The following SLFN11 variants were observed in gnomAD, a reference collection of about 807,000 sequenced individuals.
The protein encoded by SLFN11 is schlafen family member 11.
A neutral mutation model predicts 53.4 loss-of-function variants in SLFN11; 43 were observed. The observed-to-expected ratio is 0.80, with a 90% CI of 0.63 to 1.04. SLFN11 has a LOEUF of 1.04. SLFN11 is among the 50% of genes least tolerant of loss of function. The pLI is 0.00. For missense variants in SLFN11, 990 were observed against 1,079.1 expected (o/e 0.92, Z 1.16); for synonymous variants, 389 against 394.7 (o/e 0.99, Z 0.17).
intron 1 of SLFN11, among the ~76,000 whole-genome samples, chr17:35,372,176 C>A (rs1043392028): frequency 6.6e-6 from 1 of 152,002 alleles, no homozygotes; most frequent in East Asian, 1.9e-4. Flanking sequence ...TGCAACAACA[C>A]GAATGGAACT....
Position 35,363,039 on chromosome 17 carries a change from C to G in SLFN11, c.769G>C (p.Val257Leu). 1 of 1,614,030 alleles carries G rather than the reference C, an allele frequency of 6.2e-7. No homozygotes were observed. Among genetic ancestry groups the G allele is most frequent in the Admixed American group, 1.7e-5 (1 of 60,010 alleles). ...ACATTTTCTTTTGCACATCCCAGGA[C>G]TTCCCTACTCTTATCATCCACTCCA... ...FIGVDDKSRE[V>L]LGCAKENVDP... The change falls in exon 4 of 7, where the codon GTC becomes CTC. Residue 257 changes from valine to leucine, a missense_variant. By Grantham distance (32) the Val-to-Leu change is conservative. Coordinates refer to ENST00000685675, the MANE Select transcript of SLFN11 (RefSeq NM_001376007.1).
chr17:35,356,914 C>G (rs62079543), intron 5 of SLFN11, among the ~76,000 whole-genome samples: 3,669 of 151,416 alleles, frequency 0.024, 64 homozygotes, highest in South Asian at 0.052. Flanking sequence ...GGAGTTGTAC[C>G]AATATGGACT....
intron 5 of SLFN11, among the ~76,000 whole-genome samples, chr17:35,357,903 ATATAT>A (rs1224220639): frequency 6.8e-6 from 1 of 146,258 alleles, no homozygotes; most frequent in Non-Finnish European, 1.5e-5. Flanking sequence ...TTATATAATT[ATATAT>A]TATATTTATA....
intron 5 of SLFN11, among the ~76,000 whole-genome samples, chr17:35,354,856 G>A (rs993643412): frequency 6.6e-6 from 1 of 152,020 alleles, no homozygotes; most frequent in Non-Finnish European, 1.5e-5. Context: ...ATTTGTAGTG[G>A]TAATTTCAAA....
chr17:35,373,264 A>G (rs1018289963), intron 1 of SLFN11, among the ~76,000 whole-genome samples: 6 of 17,934 alleles, frequency 3.3e-4, no homozygotes, highest in African/African-American at 1.4e-3. Context: ...TTCTACCCCC[A>G]TTACCCACCC....
Position 35,351,710 on chromosome 17 carries a change from T to A in SLFN11, c.*646A>T, listed in dbSNP as rs745482237. ...TTAAAGTGACCATTAATATTCACTA[T>A]CACAATTAAGGCTTGGTCTGGGCCA... On this transcript the variant is annotated 3_prime_UTR_variant, in exon 7 of 7. Transcript: ENST00000685675. 6.6e-6 allele frequency: 1 copy of A among 152,256 alleles called. No individual in the cohort carries two copies. The highest frequency in any genetic ancestry group is 2.4e-5 in the African/African-American group (1 of 41,440). 9.4% of individuals were successfully genotyped at this position (152,256 alleles called of 1,614,324 possible). A position where few individuals can be genotyped will look rare whatever the true frequency, so the allele number is the denominator to read the frequency against.
rs549786555 is a variant in SLFN11, at chr17:35,356,757, T to A, written c.1199-2698A>T. Among the ~76,000 whole-genome samples, 5 of 151,360 alleles carry A rather than the reference T, an allele frequency of 3.3e-5. No homozygotes were observed. The East Asian group carries it at 9.7e-4, about 29-fold the overall frequency. On this transcript the variant is annotated intron_variant, in intron 5 of 6. Coordinates refer to ENST00000685675, the MANE Select transcript of SLFN11 (RefSeq NM_001376007.1). ...GCTATTATGTTAATACTACAGTGAG[T>A]AACCTTGTATGTTTGGTGTGTATGT...
In SLFN11 at chr17:35,360,281, A is replaced by G; in HGVS notation, c.1160T>C (p.Leu387Pro). The G allele has an allele frequency of 6.2e-7, 1 of 1,611,494 alleles. No individual in the cohort carries two copies. The highest frequency in any genetic ancestry group is 1.3e-5 in the African/African-American group (1 of 74,566). ...LSRPVYSKKG[L>P]EHKKELQQLL... Reference sequence around the variant, plus strand: ...TTGCTGGAGTTCCTTTTTATGTTCCAGGCCTTTCTTGGAGTACACTGGTCT... The same window carrying G: ...TTGCTGGAGTTCCTTTTTATGTTCCGGGCCTTTCTTGGAGTACACTGGTCT... The change falls in exon 5 of 7, where the codon CTG becomes CCG. Residue 387 changes from leucine to proline, a missense_variant. Transcript: ENST00000685675.
chr17:35,360,116 C>T, intron 5 of SLFN11, 127 bp downstream of exon 5: 4 of 959,998 alleles, frequency 4.2e-6, no homozygotes, highest in Non-Finnish European at 6.3e-6. Flanking sequence ...AGGATTGTAA[C>T]ATCATCACGT....
In SLFN11 at chr17:35,351,840, T is replaced by G. The variant is rs1358354741; in HGVS notation, c.*516A>C. ...TAATCTGACAGTGACTGAATTATCT[T>G]CGGACTCTCCCAAGCCCTAAATGAA... On this transcript the variant is annotated 3_prime_UTR_variant, in exon 7 of 7. Transcript: ENST00000685675. 1 of 154,898 alleles carries G rather than the reference T, an allele frequency of 6.5e-6. No individual in the cohort carries two copies. The highest frequency in any genetic ancestry group is 1.4e-5 in the Non-Finnish European group (1 of 69,904). 9.6% of individuals were successfully genotyped at this position (154,898 alleles called of 1,614,324 possible). A position where few individuals can be genotyped will look rare whatever the true frequency, so the allele number is the denominator to read the frequency against.
At chr17:35,371,109 C>T (rs1422076898) in intron 1 of SLFN11, among the ~76,000 whole-genome samples, 2 of 152,042 alleles carry the variant, frequency 1.3e-5, no homozygotes. Flanking sequence ...ATGATACTGA[C>T]ATTAAAAACA....
At chr17:35,361,732 G>A (rs1328591485) in intron 4 of SLFN11, among the ~76,000 whole-genome samples, 6 of 151,176 alleles carry the variant, frequency 4.0e-5, no homozygotes, top group Non-Finnish European at 8.9e-5. Context: ...TAAGGTGATA[G>A]CAAACTTCAA....
rs1268327298 is a variant in SLFN11, at chr17:35,363,291, C to T, written c.517G>A (p.Val173Ile). 1.2e-6 allele frequency: 2 copies of T among 1,614,054 alleles called. No homozygotes were observed. Among genetic ancestry groups the T allele is most frequent in the South Asian group, 1.1e-5 (1 of 91,086 alleles). ...TCCGAGTTAGGGAGCTCTTGGTATA[C>T]ACCCTTGTGAATTTTGTGAAAAGGT... ...EGPFHKIHKGVYQELPNSDPA... is the reference protein window; with the variant it reads ...EGPFHKIHKGIYQELPNSDPA... Residue 173 changes from valine to isoleucine, a missense_variant, in exon 4 of 7, where the codon GTA becomes ATA. Physicochemically the swap from Val to Ile is conservative, Grantham distance 29 (BLOSUM62 3). Around this residue, in one of 3 missense-constraint regions of SLFN11, gnomAD observed 521 missense variants for 516.2 expected, o/e 1.01. Coordinates refer to ENST00000685675, the MANE Select transcript of SLFN11 (RefSeq NM_001376007.1).
chr17:35,359,867 T>C (rs940296192), intron 5 of SLFN11, among the ~76,000 whole-genome samples: 44 of 152,078 alleles, frequency 2.9e-4, no homozygotes, highest in African/African-American at 8.2e-4. Context: ...ATGAGGGTAG[T>C]TTGAGAAAAG....
intron 4 of SLFN11, 45 bp from the exon 5 acceptor site, chr17:35,360,416 A>C: frequency 1.3e-6 from 2 of 1,538,490 alleles, no homozygotes; most frequent in Middle Eastern, 1.7e-4. Flanking sequence ...TAATCTCTTC[A>C]TACTGAAAGA....
chr17:35,360,998 T>C (rs1186832077), intron 4 of SLFN11, among the ~76,000 whole-genome samples: 1 of 152,144 alleles, frequency 6.6e-6, no homozygotes, highest in East Asian at 1.9e-4. Flanking sequence ...AGAAATTGTG[T>C]GAAATCAAAG....
At position 35,362,729 on chromosome 17, in the gene SLFN11, T is replaced by A; in HGVS notation, c.1069+10A>T. 12 of 1,527,882 alleles carry A rather than the reference T, an allele frequency of 7.9e-6. No individual in the cohort carries two copies. The highest frequency in any genetic ancestry group is 9.7e-6 in the Non-Finnish European group (11 of 1,139,260). The allele number at this position is 1,527,882 out of a possible 1,614,324, so 94.6% of individuals were successfully genotyped here. A position where few individuals can be genotyped will look rare whatever the true frequency, so the allele number is the denominator to read the frequency against. ...AAAGGACAGGGAGGGAGGAGCTTTCTCCCTCTTACCTGGATCTGTGTCTGT... is the reference window on the plus strand; with the variant it reads ...AAAGGACAGGGAGGGAGGAGCTTTCACCCTCTTACCTGGATCTGTGTCTGT... On this transcript the variant is annotated intron_variant, in intron 4 of 6. Transcript: ENST00000685675.
rs200170717 is a variant in SLFN11 at position 35,360,403 on chromosome 17, T to C, written c.1070-32A>G. Reference sequence around the variant, plus strand: ...AAAGAAAATTCATGTTATTCTGACGTGTTAATCTCTTCATACTGAAAGAGG... The same window carrying C: ...AAAGAAAATTCATGTTATTCTGACGCGTTAATCTCTTCATACTGAAAGAGG... On this transcript the variant is annotated intron_variant, in intron 4 of 6. Transcript: ENST00000685675. 2.1e-4 allele frequency: 328 copies of C among 1,579,722 alleles called. 3 individuals carry two copies. In the African/African-American group the frequency reaches 4.3e-3, roughly 21 times the overall value.
At chr17:35,355,493 C>T (rs375803004) in intron 5 of SLFN11, among the ~76,000 whole-genome samples, 114 of 152,190 alleles carry the variant, frequency 7.5e-4, no homozygotes, top group African/African-American at 2.7e-3. Flanking sequence ...TCTTGGACAT[C>T]GGATCCTCTA....
Sources: gnomAD v4.1 joint callset for allele counts (sites outside exome capture counted in the v4.1 genomes callset) on GRCh38, gnomAD v4.1.1 for gene constraint, gnomAD v4.1.1 regional missense constraint, MANE v1.5 for transcripts, NCBI Gene and HGNC (gene_info 2026-07-23, HGNC 2026-07-21) for gene names.